The following UNC13B variants were observed in gnomAD, a reference collection of about 807,000 sequenced individuals.
UNC13B encodes protein unc-13 homolog B.
A neutral mutation model predicts 211.0 loss-of-function variants in UNC13B; 144 were observed. That is an observed-to-expected ratio of 0.68 (90% CI 0.60 to 0.78). The LOEUF (loss-of-function observed/expected upper bound fraction) is 0.78, where lower values mean the gene tolerates loss of function less well. Among genes scored for constraint, UNC13B ranks in the 30% least tolerant of loss-of-function variants. The pLI is 0.00. For synonymous variants in UNC13B, 709 were observed against 725.8 expected (o/e 0.98, Z 0.37); for missense variants, 1,777 against 2,002.0 (o/e 0.89, Z 2.14).
Position 35,295,842 on chromosome 9 carries a change from C to A in UNC13B, c.673C>A (p.Gln225Lys). ...QFPVPVRSPQQLLLQGSSRDS... is the reference protein window; with the variant it reads ...QFPVPVRSPQKLLLQGSSRDS... The stretch of plus-strand genomic sequence containing the variant: ...CCCTGTGCCGGTGCGATCGCCACAG[C>A]AGCTGCTACTTCAAGGCAGTTCCCG... The change falls in exon 8 of 40, where the codon CAG becomes AAG. Residue 225 changes from glutamine (Q) to lysine (K), a missense_variant. Gln to Lys is a moderately conservative substitution (Grantham distance 53). Coordinates refer to ENST00000635942, the MANE Select transcript of UNC13B (RefSeq NM_001371189.2). The A allele has an allele frequency of 6.2e-7, 1 of 1,614,170 alleles. No individual in the cohort carries two copies. The highest frequency in any genetic ancestry group is 1.1e-5 in the South Asian group (1 of 91,078).
At chr9:35,300,105 C>T (rs976023675) in intron 8 of UNC13B, 61 bp from the exon 9 acceptor site, 8 of 398,014 alleles carry the variant, frequency 2.0e-5, no homozygotes, top group Middle Eastern at 6.3e-4. Flanking sequence ...AAGATACCAC[C>T]TCAGAGCCAA....
At chr9:35,255,480 A>G (rs1000186338) in intron 6 of UNC13B, among the ~76,000 whole-genome samples, 4 of 152,054 alleles carry the variant, frequency 2.6e-5, no homozygotes, top group African/African-American at 9.7e-5. Context: ...CTGCAGTTTT[A>G]TTATTACTCA....
intron 7 of UNC13B, among the ~76,000 whole-genome samples, chr9:35,265,021 T>C (rs1179560027): frequency 2.6e-5 from 4 of 152,200 alleles, no homozygotes; most frequent in Non-Finnish European, 5.9e-5. Context: ...CTTATTTAGA[T>C]GATAATTAGA....
In UNC13B at chr9:35,377,457, G is replaced by A. The variant is rs983196269; in HGVS notation, c.9836-11G>A. On this transcript the variant is annotated splice_polypyrimidine_tract_variant and intron_variant, in intron 15 of 39. Coordinates refer to ENST00000635942, the MANE Select transcript of UNC13B (RefSeq NM_001371189.2). The stretch of plus-strand genomic sequence containing the variant: ...TGGTAGGTGACCTGTTGTGTTCCTG[G>A]CCACCTTCAGGGGCTGCAGAAAAGA... 5.0e-6 allele frequency: 8 copies of A among 1,613,868 alleles called. No homozygotes were observed. In the Admixed American group the frequency reaches 5.0e-5, roughly 10 times the overall value.
intron 37 of UNC13B, among the ~76,000 whole-genome samples, chr9:35,402,237 G>A (rs1198067918): frequency 6.6e-6 from 1 of 151,730 alleles, no homozygotes; most frequent in African/African-American, 2.4e-5. Context: ...GGACAAAGAA[G>A]GATTTTCTCT....
At chr9:35,381,079 C>G (rs1587735910) in intron 18 of UNC13B, 21 bp from the exon 19 acceptor site, 1 of 1,607,066 alleles carries the variant, frequency 6.2e-7, no homozygotes, top group Middle Eastern at 1.7e-4. Context: ...GTGTCAATCT[C>G]CAGTCTTCTT....
In UNC13B at chr9:35,296,135, A is replaced by G. The variant is rs1352201390; in HGVS notation, c.761+205A>G. Among the ~76,000 whole-genome samples, 4 of 152,278 alleles carry G rather than the reference A, an allele frequency of 2.6e-5. No homozygotes were observed. In the East Asian group the frequency reaches 5.8e-4, roughly 22 times the overall value. The stretch of plus-strand genomic sequence containing the variant: ...TTGCCATAAGGAATTTTATGTTTAT[A>G]TATTGCCATAAGGAATACTTCTCTT... On this transcript the variant is annotated intron_variant, in intron 8 of 39. Coordinates refer to ENST00000635942, the MANE Select transcript of UNC13B (RefSeq NM_001371189.2).
intron 1 of UNC13B, among the ~76,000 whole-genome samples, chr9:35,176,999 A>C (rs1269367128): frequency 1.3e-5 from 2 of 152,234 alleles, no homozygotes; most frequent in African/African-American, 4.8e-5. Flanking sequence ...ATATGGATTA[A>C]GATGAAGCTG....
intron 1 of UNC13B, among the ~76,000 whole-genome samples, chr9:35,203,636 G>A (rs1823456909): frequency 6.6e-6 from 1 of 152,160 alleles, no homozygotes; most frequent in Admixed American, 6.5e-5. Context: ...GAACTTGAAA[G>A]TGATGATTTA....
At chr9:35,162,330 A>AGGCGGGGT in intron 1 of UNC13B, 25 bp downstream of exon 1, 2 of 1,532,042 alleles carry the variant, frequency 1.3e-6, no homozygotes, top group South Asian at 1.2e-5. Context: ...TGAGGCGGGG[A>AGGCGGGGT]GGCGGGGTGT....
At position 35,274,375 on chromosome 9, in the gene UNC13B, G is replaced by T. The variant is rs576705647; in HGVS notation, c.526+15325G>T. Among the ~76,000 whole-genome samples, 189 of 152,212 alleles carry T rather than the reference G, an allele frequency of 1.2e-3. 1 individual carries two copies. The highest frequency in any genetic ancestry group is 2.1e-3 in the Non-Finnish European group (146 of 68,002). ...GGTGTGAGCCACCACACCCAGTCAA[G>T]AATTTGCATGTCTTACAGATTCAAG... On this transcript the variant is annotated intron_variant, in intron 7 of 39. Transcript: ENST00000635942.
In UNC13B at chr9:35,302,947, T is replaced by C. The variant is rs896574542; in HGVS notation, c.3543T>C (p.Gly1181=). 9 of 398,540 alleles carry C rather than the reference T, an allele frequency of 2.3e-5. No individual in the cohort carries two copies. Among genetic ancestry groups the C allele is most frequent in the African/African-American group, 1.9e-4 (9 of 48,612 alleles). The allele number at this position is 398,540 out of a possible 1,614,324, so 24.7% of individuals were successfully genotyped here. A position where few individuals can be genotyped will look rare whatever the true frequency, so the allele number is the denominator to read the frequency against. Reference sequence around the variant, plus strand: ...CCCATCACAAGAATAATACCCCAGGTTTAATCTCTGGAATATTTAACCTGC... The same window carrying C: ...CCCATCACAAGAATAATACCCCAGGCTTAATCTCTGGAATATTTAACCTGC... ...DDSHHKNNTP[G]LISGIFNLLS... is the part of the protein sequence containing the mutation. The change falls in exon 9 of 40, where the codon GGT becomes GGC. Residue 1181 remains glycine (G), a synonymous_variant. Coordinates refer to ENST00000635942, the MANE Select transcript of UNC13B (RefSeq NM_001371189.2).
chr9:35,209,159 A>G (rs3849918), intron 1 of UNC13B, among the ~76,000 whole-genome samples: 145,326 of 152,196 alleles, frequency 0.95, 69,751 homozygotes, highest in Non-Finnish European at 1. Flanking sequence ...CCGCCTCACG[A>G]GTTCAAGCGA....
chr9:35,290,929 G>A lies in UNC13B; in HGVS notation c.527-4767G>A, dbSNP rs973280305. 8 of 759,436 alleles carry A rather than the reference G, an allele frequency of 1.1e-5. No individual in the cohort carries two copies. In the Admixed American group the frequency reaches 1.9e-4, roughly 18 times the overall value. The allele number at this position is 759,436 out of a possible 1,614,324, so 47.0% of individuals were successfully genotyped here. ...GTAGAAGGCAGAAACTCTATGTTAT[G>A]TAAAGTTAGTAGAATACAAGTGAGG... On this transcript the variant is annotated intron_variant, in intron 7 of 39. Transcript: ENST00000635942.
At chr9:35,267,771 G>A (rs1827656815) in intron 7 of UNC13B, among the ~76,000 whole-genome samples, 1 of 152,102 alleles carries the variant, frequency 6.6e-6, no homozygotes, top group Admixed American at 6.6e-5. Context: ...GGGGTCTTAT[G>A]TGAGTGATTG....
intron 1 of UNC13B, among the ~76,000 whole-genome samples, chr9:35,218,054 A>T (rs983032024): frequency 1.3e-5 from 2 of 152,036 alleles, no homozygotes; most frequent in Non-Finnish European, 2.9e-5. Flanking sequence ...AAAGAGAAAA[A>T]ATTATAACCT....
At chr9:35,401,352 T>C (rs1836288725) in intron 37 of UNC13B, among the ~76,000 whole-genome samples, 1 of 152,156 alleles carries the variant, frequency 6.6e-6, no homozygotes, top group African/African-American at 2.4e-5. Flanking sequence ...CTATTCCCCA[T>C]CTGTTCTCAT....
At chr9:35,386,375 G>T in intron 24 of UNC13B, 82 bp downstream of exon 24, 1 of 1,575,404 alleles carries the variant, frequency 6.3e-7, no homozygotes. Flanking sequence ...TGGTGGAAAA[G>T]CACTCAGGAC....
At chr9:35,276,060 C>A (rs1828156654) in intron 7 of UNC13B, among the ~76,000 whole-genome samples, 2 of 152,058 alleles carry the variant, frequency 1.3e-5, no homozygotes, top group Non-Finnish European at 2.9e-5. Context: ...AATCCCAGCA[C>A]TTTGGGAGGC....
Sources: gnomAD v4.1 joint callset for allele counts (sites outside exome capture counted in the v4.1 genomes callset) on GRCh38, gnomAD v4.1.1 for gene constraint, MANE v1.5 for transcripts, NCBI Gene and HGNC (gene_info 2026-07-23, HGNC 2026-07-21) for gene names.